POU2F3: variants seen among roughly 807,000 people sequenced by gnomAD.
The protein encoded by POU2F3 is POU class 2 homeobox 3, also known as POU domain, class 2, transcription factor 3.
POU2F3 carries 23 observed loss-of-function variants against 59.2 expected under a neutral mutation model. The observed-to-expected ratio is 0.39, with a 90% CI of 0.28 to 0.55. The LOEUF (loss-of-function observed/expected upper bound fraction) is 0.55. Ranked by LOEUF, POU2F3 falls within the 20% of genes least tolerant of loss-of-function variation. The probability of loss-of-function intolerance (pLI) is 0.66; values close to 1 mark genes in which losing one functional copy is unlikely to be tolerated. For missense variants in POU2F3, 473 were observed against 544.5 expected (o/e 0.87, Z 1.31); for synonymous variants, 190 against 214.6 (o/e 0.89, Z 1.00).
At chr11:120,286,412 G>A (rs922502425) in intron 3 of POU2F3, among the ~76,000 whole-genome samples, 1 of 152,198 alleles carries the variant, frequency 6.6e-6, no homozygotes, top group African/African-American at 2.4e-5. Flanking sequence ...GCGGGCCAGA[G>A]CACGGTGTAA....
At chr11:120,266,436 T>C (rs1440399752) in intron 2 of POU2F3, among the ~76,000 whole-genome samples, 1 of 152,088 alleles carries the variant, frequency 6.6e-6, no homozygotes. Context: ...TCAGATCATG[T>C]TACTCCTCTG....
At chr11:120,309,323 G>C in intron 9 of POU2F3, 102 bp from the exon 10 acceptor site, 1 of 1,253,392 alleles carries the variant, frequency 8.0e-7, no homozygotes, top group East Asian at 2.4e-5. Context: ...TGACTCTAAA[G>C]CTTTTGATCC....
chr11:120,264,433 C>T (rs966816874), intron 2 of POU2F3, among the ~76,000 whole-genome samples: 8 of 152,180 alleles, frequency 5.3e-5, no homozygotes, highest in Admixed American at 4.6e-4. Context: ...CTTTGTTTTG[C>T]TTTGGATAAG....
chr11:120,309,698 G>T (rs751769569), intron 10 of POU2F3, 112 bp downstream of exon 10: 2 of 1,262,918 alleles, frequency 1.6e-6, no homozygotes, highest in African/African-American at 3.0e-5. Flanking sequence ...AATAAGCAAA[G>T]AGATGCTGTA....
At chr11:120,240,102 C>T (rs1273285269), upstream of POU2F3, 2 of 1,142,002 alleles carry the variant, frequency 1.8e-6, no homozygotes, top group Non-Finnish European at 2.1e-6. Context: ...GGGGGCGTGG[C>T]CGGCGGCCCC....
At chr11:120,290,638 A>G (rs1242914158) in intron 3 of POU2F3, among the ~76,000 whole-genome samples, 1 of 152,240 alleles carries the variant, frequency 6.6e-6, no homozygotes, top group African/African-American at 2.4e-5. Flanking sequence ...CTGTTAAAAC[A>G]GTTTGGTAAG....
At chr11:120,301,755 T>C (rs555624501) in intron 5 of POU2F3, 1 of 153,904 alleles carries the variant, frequency 6.5e-6, no homozygotes, top group East Asian at 1.9e-4. Context: ...GTATAAAATG[T>C]CCTGGTCAGC....
intron 2 of POU2F3, among the ~76,000 whole-genome samples, chr11:120,251,877 C>A (rs1275871014): frequency 2.0e-5 from 3 of 149,212 alleles, no homozygotes; most frequent in Non-Finnish European, 4.4e-5. Context: ...TCACTGCAAC[C>A]TCTGCCTCCA....
upstream of POU2F3, chr11:120,236,692 G>A (rs921464534): frequency 2.4e-5 from 36 of 1,505,336 alleles, no homozygotes; most frequent in Admixed American, 5.9e-5. Context: ...TCCAAGAACT[G>A]CTAAAGGAGG....
At position 120,268,161 on chromosome 11, in the gene POU2F3, G is replaced by A. The variant is rs191009002; in HGVS notation, c.98-1049G>A. 1.3e-3 allele frequency among the ~76,000 whole-genome samples: 199 copies of A among 151,952 alleles called. 1 individual carries two copies. The highest frequency in any genetic ancestry group is 2.6e-3 in the Non-Finnish European group (177 of 67,974). On this transcript the variant is annotated intron_variant, in intron 2 of 12. Coordinates refer to ENST00000543440, the MANE Select transcript of POU2F3 (RefSeq NM_014352.4). ...AGGAGAAATATTTATGATGCTCACT[G>A]GAAAAAGTGGGATAGAAGTCTATAC...
chr11:120,246,325 G>T, intron 1 of POU2F3, 124 bp from the exon 2 acceptor site: 8 of 1,007,492 alleles, frequency 7.9e-6, no homozygotes, highest in Middle Eastern at 2.1e-4. Flanking sequence ...TCGGGAATCA[G>T]GAATTTGAAA....
intron 3 of POU2F3, among the ~76,000 whole-genome samples, chr11:120,290,869 C>T (rs566867939): frequency 1.3e-5 from 2 of 152,348 alleles, no homozygotes; most frequent in Admixed American, 6.5e-5. Flanking sequence ...GGCATGTGCA[C>T]TTCCTTTTAT....
At chr11:120,307,347 T>G (rs1207500031) in intron 8 of POU2F3, 132 bp from the exon 9 acceptor site, 3 of 1,046,980 alleles carry the variant, frequency 2.9e-6, no homozygotes, top group Non-Finnish European at 4.2e-6. Flanking sequence ...GGCTCCCTGC[T>G]GGGGGAGGGG....
rs116899969 is a variant in POU2F3, at chr11:120,279,893, C to T, written c.132+10649C>T. Among the ~76,000 whole-genome samples, 636 of 152,322 alleles carry T rather than the reference C, an allele frequency of 4.2e-3. 5 individuals are homozygous for T. Among genetic ancestry groups the T allele is most frequent in the African/African-American group, 0.014 (601 of 41,570 alleles). ...CATGGGGTTTGGGCCTAGCTGATTC[C>T]GGCTCCAGCACTGGCATGAGCTCTG... On this transcript the variant is annotated intron_variant, in intron 3 of 12. Transcript: ENST00000543440.
chr11:120,299,763 A>T, intron 5 of POU2F3, 37 bp downstream of exon 5: 1 of 1,560,504 alleles, frequency 6.4e-7, no homozygotes, highest in Non-Finnish European at 8.7e-7. Flanking sequence ...GACCAAGTCC[A>T]GTCAAGTGCT....
chr11:120,257,258 G>T (rs1318174723), intron 2 of POU2F3, among the ~76,000 whole-genome samples: 1 of 152,174 alleles, frequency 6.6e-6, no homozygotes, highest in Non-Finnish European at 1.5e-5. Flanking sequence ...GTCACAGCGG[G>T]AGTTCAAGAC....
At chr11:120,256,854 G>T (rs1193664752) in intron 2 of POU2F3, 1 of 152,204 alleles carries the variant, frequency 6.6e-6, no homozygotes, top group Admixed American at 6.5e-5. Flanking sequence ...TTCATATGAG[G>T]TTTCATTTGG....
At chr11:120,299,756 C>G (rs992307939) in intron 5 of POU2F3, 30 bp downstream of exon 5, 5 of 1,563,810 alleles carry the variant, frequency 3.2e-6, no homozygotes, top group Non-Finnish European at 3.5e-6. Context: ...CCACCTAGAC[C>G]AAGTCCAGTC....
chr11:120,244,081 T>G (rs1237016047), intron 1 of POU2F3, among the ~76,000 whole-genome samples: 1 of 151,776 alleles, frequency 6.6e-6, no homozygotes, highest in African/African-American at 2.4e-5. Flanking sequence ...CTTCTTAAAT[T>G]TCAGGAGTTT....
Sources: allele counts gnomAD v4.1 joint callset (sites outside exome capture counted in the v4.1 genomes callset), GRCh38; gene constraint gnomAD v4.1.1; transcripts MANE v1.5; gene names NCBI Gene and HGNC (gene_info 2026-07-23, HGNC 2026-07-21).